The following FAAH2 variants were observed in gnomAD, a reference collection of about 807,000 sequenced individuals.
FAAH2 encodes the protein fatty-acid amide hydrolase 2.
A neutral mutation model predicts 36.9 loss-of-function variants in FAAH2; 60 were observed. That is an observed-to-expected ratio of 1.63 (90% confidence interval 1.32 to 2.02). The LOEUF (loss-of-function observed/expected upper bound fraction) is 2.02. FAAH2 is among the 30% of genes most tolerant of loss of function. The pLI is 0.00. For missense variants in FAAH2, 689 were observed against 397.5 expected, an observed-to-expected ratio of 1.73 and a Z score of -6.23; for synonymous variants, 214 against 143.8, an observed-to-expected ratio of 1.49 and a Z score of -3.49.
intron 7 of FAAH2, among the ~76,000 whole-genome samples, chrX:57,384,908 A>C (rs1602487557): frequency 8.9e-6 from 1 of 111,879 alleles, no homozygotes; most frequent in African/African-American, 3.2e-5. Flanking sequence ...AGACTGGATT[A>C]AGAAAATGTG....
the FAAH2 span, among the ~76,000 whole-genome samples, chrX:57,270,634 G>A: frequency 2.6e-4 from 29 of 111,783 alleles, no homozygotes; most frequent in African/African-American, 6.2e-4. Context: ...TGACGTACCC[G>A]GTTCATCTCA....
the FAAH2 span, among the ~76,000 whole-genome samples, chrX:57,183,733 T>C: frequency 4.5e-5 from 5 of 111,410 alleles, no homozygotes; most frequent in South Asian, 1.9e-3. Context: ...GTTTGGACAA[T>C]ATGAAATCAG....
At chrX:57,475,960 G>T (rs1415740381) in intron 10 of FAAH2, among the ~76,000 whole-genome samples, 1 of 111,220 alleles carries the variant, frequency 9.0e-6, no homozygotes, top group African/African-American at 3.3e-5. Context: ...TAGCAATTGT[G>T]AATGGGAGTT....
chrX:57,395,185 G>C, intron 7 of FAAH2: 1 of 535,466 alleles, frequency 1.9e-6, no homozygotes, highest in Non-Finnish European at 3.5e-6. Context: ...AGATTCTGTG[G>C]TTGTTCTTGG....
chrX:57,261,165 A>G, the FAAH2 span, among the ~76,000 whole-genome samples: 1 of 111,640 alleles, frequency 9.0e-6, no homozygotes, highest in Non-Finnish European at 1.9e-5. Context: ...TAATCAATAA[A>G]TTTTCGTAGA....
intron 7 of FAAH2, among the ~76,000 whole-genome samples, chrX:57,418,931 T>C (rs2055925881): frequency 1.0e-5 from 1 of 96,678 alleles, no homozygotes; most frequent in African/African-American, 3.8e-5. Flanking sequence ...TGTGTTCTCG[T>C]TGTTCAATTC....
At position 57,381,482 on chromosome X, in the gene FAAH2, A is replaced by C. The variant is rs151072418; in HGVS notation, c.996+453A>C. On this transcript the variant is annotated intron_variant, in intron 7 of 10. Coordinates refer to ENST00000374900, the MANE Select transcript of FAAH2 (RefSeq NM_174912.4). ...GTTCATTTGGGAAAGAAGAATAATAAGGGGAACAGACCTACCAAATTTTAA... is the reference window on the plus strand; with the variant it reads ...GTTCATTTGGGAAAGAAGAATAATACGGGGAACAGACCTACCAAATTTTAA... The C allele has an allele frequency of 2.5e-4, 147 of 588,493 alleles. No individual in the cohort carries two copies. The African/African-American group carries it at 3.5e-3, about 14-fold the overall frequency. 48.5% of individuals were successfully genotyped at this position (588,493 alleles called of 1,213,427 possible).
At chrX:57,220,340 C>T in the FAAH2 span, among the ~76,000 whole-genome samples, 1 of 110,283 alleles carries the variant, frequency 9.1e-6, no homozygotes, top group African/African-American at 3.3e-5. Flanking sequence ...ATTCTCCTCC[C>T]CAACGCCCTC....
At chrX:57,241,435 A>G in the FAAH2 span, among the ~76,000 whole-genome samples, 6 of 81,766 alleles carry the variant, frequency 7.3e-5, no homozygotes, top group African/African-American at 5.4e-4. Context: ...AGGAGCTTAA[A>G]CAAAACTACA....
intron 1 of FAAH2, chrX:57,290,222 G>A: frequency 1.4e-6 from 1 of 715,182 alleles, no homozygotes; most frequent in South Asian, 7.3e-5. Context: ...TTTCTCACGT[G>A]CTGCATGCTA....
At chrX:57,190,288 G>A in the FAAH2 span, among the ~76,000 whole-genome samples, 1 of 110,020 alleles carries the variant, frequency 9.1e-6, no homozygotes, top group African/African-American at 3.3e-5. Flanking sequence ...AGACTGCTGT[G>A]CTGGCAATGA....
rs185680439 is a variant in FAAH2, at chrX:57,449,402, A to C, written c.1423+684A>C. 5.6e-3 allele frequency among the ~76,000 whole-genome samples: 631 copies of C among 111,990 alleles called. 3 individuals are homozygous for C. The highest frequency in any genetic ancestry group is 0.019 in the African/African-American group (589 of 30,849). On this transcript the variant is annotated intron_variant, in intron 10 of 10. Coordinates refer to ENST00000374900, the MANE Select transcript of FAAH2 (RefSeq NM_174912.4). Reference sequence around the variant, plus strand: ...TAGAATTTGGAATCCTTTGCTCTGCAATTTTCTACTTGTGCATCTGGAGGA... The same window carrying C: ...TAGAATTTGGAATCCTTTGCTCTGCCATTTTCTACTTGTGCATCTGGAGGA...
At position 57,288,578 on chromosome X, in the gene FAAH2, C is replaced by T. The variant is rs771166326; in HGVS notation, c.192+1561C>T. ...AGTTAGCCAGGATGGTCTTGATCTC[C>T]GGACCTCGTGATCCACCCACCTCGG... On this transcript the variant is annotated intron_variant, in intron 1 of 10. Transcript: ENST00000374900. Among the ~76,000 whole-genome samples the T allele has an allele frequency of 4.6e-5, 5 of 108,881 alleles. No homozygotes were observed. In the South Asian group the frequency reaches 1.2e-3, roughly 26 times the overall value. The allele number at this position is 108,881 out of a possible 115,157, so 94.6% of individuals were successfully genotyped here. A position where few individuals can be genotyped will look rare whatever the true frequency, so the allele number is the denominator to read the frequency against.
Position 57,430,929 on chromosome X carries a change from G to T in FAAH2, c.997-989G>T, listed in dbSNP as rs774509962. 2.7e-5 allele frequency among the ~76,000 whole-genome samples: 3 copies of T among 111,758 alleles called. No individual in the cohort carries two copies. The South Asian group carries it at 1.1e-3, about 43-fold the overall frequency. The stretch of plus-strand genomic sequence containing the variant: ...GAGAAGATCTTAAATGATAAATGTC[G>T]CTAAGAATTTGGATTCTTTCCTCTA... On this transcript the variant is annotated intron_variant, in intron 7 of 10. Transcript: ENST00000374900.
At chrX:57,192,840 C>T in the FAAH2 span, among the ~76,000 whole-genome samples, 1 of 112,050 alleles carries the variant, frequency 8.9e-6, no homozygotes, top group African/African-American at 3.2e-5. Context: ...ATCACTTCCC[C>T]AATCCATACC....
chrX:57,382,442 G>A, intron 7 of FAAH2, among the ~76,000 whole-genome samples: 1 of 111,577 alleles, frequency 9.0e-6, no homozygotes, highest in South Asian at 3.8e-4. Context: ...GACTAATAAA[G>A]AAGGAAAGAG....
rs1274780901 is a variant in FAAH2, at chrX:57,466,154, CTCTATA to C, written c.1423+17438_1423+17443del. Among the ~76,000 whole-genome samples the C allele has an allele frequency of 2.7e-4, 18 of 66,898 alleles. No individual in the cohort carries two copies. In the South Asian group the frequency reaches 3.7e-3, roughly 14 times the overall value. The allele number at this position is 66,898 out of a possible 115,157, so 58.1% of individuals were successfully genotyped here. ...TCTCTCTCTCTCTCTCTCTCTCTCT[CTCTATA>C]TATATATATATATATATATACCCAC... On this transcript the variant is annotated intron_variant, in intron 10 of 10. Transcript: ENST00000374900.
chrX:57,263,972 G>T, the FAAH2 span, among the ~76,000 whole-genome samples: 1 of 111,587 alleles, frequency 9.0e-6, no homozygotes, highest in Non-Finnish European at 1.9e-5. Flanking sequence ...CATGGTTTTG[G>T]AGCAATTAGA....
At chrX:57,459,453 T>C (rs1331137463) in intron 10 of FAAH2, among the ~76,000 whole-genome samples, 1 of 112,413 alleles carries the variant, frequency 8.9e-6, no homozygotes, top group African/African-American at 3.2e-5. Context: ...GAGCAGCAGA[T>C]CCTGACAAGG....
Sources: allele counts gnomAD v4.1 joint callset (sites outside exome capture counted in the v4.1 genomes callset), GRCh38; gene constraint gnomAD v4.1.1; transcripts MANE v1.5; gene names NCBI Gene and HGNC (gene_info 2026-07-23, HGNC 2026-07-21).